WWOX: variants seen among roughly 807,000 people sequenced by gnomAD.
The protein encoded by WWOX is WW domain-containing oxidoreductase.
WWOX carries 69 observed loss-of-function variants against 46.2 expected under a neutral mutation model. The observed-to-expected ratio is 1.49, with a 90% CI of 1.23 to 1.82. The LOEUF is 1.82. Ranked by LOEUF, WWOX falls within the 40% of genes most tolerant of loss-of-function variation. The pLI, the probability that WWOX is intolerant of heterozygous loss-of-function variation, is 0.00. For missense variants in WWOX, 919 were observed against 542.6 expected, an observed-to-expected ratio of 1.69 and a Z score of -6.89; for synonymous variants, 359 against 202.6, an observed-to-expected ratio of 1.77 and a Z score of -6.56.
chr16:78,841,965 A>G (rs527922678), intron 8 of WWOX, among the ~76,000 whole-genome samples: 3 of 152,216 alleles, frequency 2.0e-5, no homozygotes, highest in Admixed American at 1.3e-4. Flanking sequence ...GACGTGTGGG[A>G]CACCCAGCTA....
chr16:78,367,114 GTAC>G (rs2081553003), intron 5 of WWOX, among the ~76,000 whole-genome samples: 1 of 151,622 alleles, frequency 6.6e-6, no homozygotes, highest in African/African-American at 2.4e-5. Flanking sequence ...TAAGTAGCTG[GTAC>G]TACAGGTGCC....
chr16:79,074,782 G>A (rs1190216227), intron 8 of WWOX, among the ~76,000 whole-genome samples: 1 of 152,104 alleles, frequency 6.6e-6, no homozygotes, highest in East Asian at 1.9e-4. Context: ...CAAGTTATTT[G>A]CAAAATCAAA....
intron 8 of WWOX, among the ~76,000 whole-genome samples, chr16:79,031,904 A>G (rs1292637059): frequency 5.0e-4 from 26 of 52,522 alleles, no homozygotes; most frequent in African/African-American, 1.1e-3. Flanking sequence ...AGATATCTAT[A>G]TATATAGATA....
intron 8 of WWOX, among the ~76,000 whole-genome samples, chr16:78,614,880 A>C (rs1383856216): frequency 6.6e-6 from 1 of 152,198 alleles, no homozygotes; most frequent in Non-Finnish European, 1.5e-5. Context: ...GGTTTGCTGC[A>C]GCCATCAAGC....
At chr16:79,210,774 T>TGTCA (rs1278966563) in intron 8 of WWOX, among the ~76,000 whole-genome samples, 1 of 152,146 alleles carries the variant, frequency 6.6e-6, no homozygotes, top group African/African-American at 2.4e-5. Flanking sequence ...GACAGTATTC[T>TGTCA]GTCAGTTTGG....
intron 5 of WWOX, among the ~76,000 whole-genome samples, chr16:78,376,680 C>A (rs75436498): frequency 6.6e-6 from 1 of 152,078 alleles, no homozygotes; most frequent in Non-Finnish European, 1.5e-5. Context: ...CTGACCTCTG[C>A]CCCCTGGATG....
chr16:78,636,245 G>T (rs2046566749), intron 8 of WWOX, among the ~76,000 whole-genome samples: 3 of 152,264 alleles, frequency 2.0e-5, no homozygotes, highest in Admixed American at 6.5e-5. Flanking sequence ...AATGCAAGGG[G>T]AGGGAGCTAA....
At chr16:78,647,190 A>C (rs2046864029) in intron 8 of WWOX, among the ~76,000 whole-genome samples, 1 of 152,162 alleles carries the variant, frequency 6.6e-6, no homozygotes, top group Non-Finnish European at 1.5e-5. Flanking sequence ...TCACTGAACC[A>C]ACATGAGTCA....
intron 8 of WWOX, among the ~76,000 whole-genome samples, chr16:78,661,657 G>C (rs2047216304): frequency 6.6e-6 from 1 of 150,940 alleles, no homozygotes; most frequent in African/African-American, 2.4e-5. Context: ...TGGGGAGGGG[G>C]TGGGGGCTCT....
intron 8 of WWOX, among the ~76,000 whole-genome samples, chr16:78,985,987 C>G (rs185910637): frequency 1.3e-5 from 2 of 152,206 alleles, no homozygotes; most frequent in Non-Finnish European, 2.9e-5. Context: ...CAACAATGCA[C>G]TGTGCTGACC....
intron 8 of WWOX, among the ~76,000 whole-genome samples, chr16:78,514,738 GC>G (rs2085448021): frequency 6.6e-6 from 1 of 152,104 alleles, no homozygotes; most frequent in Non-Finnish European, 1.5e-5. Flanking sequence ...TGGTTTTCTG[GC>G]TATATAAACA....
chr16:78,757,768 CAGAT>C (rs1165632802), intron 8 of WWOX, among the ~76,000 whole-genome samples: 9 of 151,506 alleles, frequency 5.9e-5, no homozygotes, highest in African/African-American at 1.9e-4. Context: ...TTCTGATTGA[CAGAT>C]AGCGACCTTC....
intron 8 of WWOX, among the ~76,000 whole-genome samples, chr16:78,504,537 A>G (rs2085145725): frequency 6.6e-6 from 1 of 152,224 alleles, no homozygotes; most frequent in Non-Finnish European, 1.5e-5. Flanking sequence ...CTATTTTGTT[A>G]TGTAAATGCT....
At chr16:78,648,918 C>T (rs2046905057) in intron 8 of WWOX, among the ~76,000 whole-genome samples, 1 of 152,114 alleles carries the variant, frequency 6.6e-6, no homozygotes, top group Admixed American at 6.6e-5. Flanking sequence ...TTTTTTCCCA[C>T]ATGGCTTTTC....
At chr16:79,018,968 T>C (rs1020462162) in intron 8 of WWOX, among the ~76,000 whole-genome samples, 1 of 151,564 alleles carries the variant, frequency 6.6e-6, no homozygotes, top group South Asian at 2.1e-4. Context: ...CTGGGCAACA[T>C]GGCAAAACCC....
chr16:78,399,045 G>T lies in WWOX; in HGVS notation c.605+12097G>T, dbSNP rs1012391203. Among the ~76,000 whole-genome samples the T allele has an allele frequency of 3.4e-5, 5 of 147,384 alleles. No homozygotes were observed. In the East Asian group the frequency reaches 9.9e-4, roughly 29 times the overall value. The stretch of plus-strand genomic sequence containing the variant: ...CTAGATGGATAGAAAGATGGAACAG[G>T]TAAGTATAAGGAAGGGGATAGGTGG... On this transcript the variant is annotated intron_variant, in intron 6 of 8. Coordinates refer to ENST00000566780, the MANE Select transcript of WWOX (RefSeq NM_016373.4).
At chr16:78,355,607 C>A (rs1281506628) in intron 5 of WWOX, 2 of 551,900 alleles carry the variant, frequency 3.6e-6, no homozygotes, top group South Asian at 3.0e-5. Flanking sequence ...CCCAGAGGAG[C>A]GAATTTGTGT....
In WWOX at chr16:78,235,875, A is replaced by G. The variant is rs74684850; in HGVS notation, c.516+71586A>G. Among the ~76,000 whole-genome samples the G allele has an allele frequency of 6.2e-3, 947 of 152,312 alleles. 8 individuals are homozygous for G. Among genetic ancestry groups the G allele is most frequent in the East Asian group, 0.045 (231 of 5,178 alleles). ...TGTGAGTGGGCTGGTTTCCCCCAGCAGAGGGGCTGTAGCATAGCAGGTACC... is the reference window on the plus strand; with the variant it reads ...TGTGAGTGGGCTGGTTTCCCCCAGCGGAGGGGCTGTAGCATAGCAGGTACC... On this transcript the variant is annotated intron_variant, in intron 5 of 8. Transcript: ENST00000566780.
chr16:78,334,503 A>G (rs1022321567), intron 5 of WWOX, among the ~76,000 whole-genome samples: 1 of 152,200 alleles, frequency 6.6e-6, no homozygotes, highest in Non-Finnish European at 1.5e-5. Context: ...CCTAATGGCA[A>G]AAATATCAGA....
Sources: allele counts gnomAD v4.1 joint callset (sites outside exome capture counted in the v4.1 genomes callset), GRCh38; gene constraint gnomAD v4.1.1; transcripts MANE v1.5; gene names NCBI Gene and HGNC (gene_info 2026-07-23, HGNC 2026-07-21).